RNF213: variants seen among roughly 807,000 people sequenced by gnomAD.
The protein encoded by RNF213 is E3 ubiquitin-protein ligase RNF213.
RNF213 carries 341 observed loss-of-function variants against 514.4 expected under a neutral mutation model. The ratio of observed to expected loss-of-function variants is 0.66; its 90% CI spans 0.61 to 0.73. The LOEUF (loss-of-function observed/expected upper bound fraction) is 0.73, where lower values mean the gene tolerates loss of function less well. Ranked by LOEUF, RNF213 falls within the 30% of genes least tolerant of loss-of-function variation. RNF213 has a pLI of 0.00. For synonymous variants in RNF213, 2,655 were observed against 2,658.2 expected (o/e 1.00, Z 0.04); for missense variants, 5,767 against 6,615.6 (o/e 0.87, Z 4.45).
intron 21 of RNF213, 58 bp from the exon 22 acceptor site, chr17:80,334,047 A>C: frequency 1.3e-6 from 2 of 1,533,964 alleles, no homozygotes; most frequent in Non-Finnish European, 1.7e-6. Context: ...CTTGCAGCTC[A>C]CAGATTCTGG....
chr17:80,361,600 G>A, intron 38 of RNF213, 134 bp from the exon 39 acceptor site: 2 of 873,584 alleles, frequency 2.3e-6, no homozygotes, highest in Non-Finnish European at 3.8e-6. Context: ...AAATCAGGCA[G>A]TTGGTACCCC....
intron 22 of RNF213, among the ~76,000 whole-genome samples, chr17:80,334,616 GT>G (rs57381377): frequency 0.63 from 93,534 of 147,636 alleles, 29,930 homozygotes; most frequent in Middle Eastern, 0.71. Context: ...CCACAGAGAG[GT>G]TTTTTTTTTT....
At chr17:80,376,591 G>A in intron 52 of RNF213, 48 bp downstream of exon 52, 1 of 1,612,712 alleles carries the variant, frequency 6.2e-7, no homozygotes, top group Non-Finnish European at 8.5e-7. Context: ...ACACCCCCCA[G>A]AGCTTGTCAC....
At chr17:80,295,868 G>C in intron 10 of RNF213, 55 bp downstream of exon 10, 1 of 1,597,506 alleles carries the variant, frequency 6.3e-7, no homozygotes, top group Non-Finnish European at 8.6e-7. Flanking sequence ...GATTTTCTCT[G>C]ATTGCAAAAA....
Position 80,347,174 on chromosome 17 carries a change from G to A in RNF213, c.8839G>A (p.Asp2947Asn), listed in dbSNP as rs769511279. 3.7e-6 allele frequency: 6 copies of A among 1,613,946 alleles called. No individual in the cohort carries two copies. In the South Asian group the frequency reaches 6.6e-5, roughly 18 times the overall value. The change falls in exon 29 of 68, where the codon GAC becomes AAC. Residue 2947 changes from aspartate to asparagine, a missense_variant. Physicochemically the swap from Asp to Asn is conservative, Grantham distance 23. Coordinates refer to ENST00000582970, the MANE Select transcript of RNF213 (RefSeq NM_001256071.3). This position sits in a 1 kb window ranked among gnomAD's most constrained non-coding sequence, Gnocchi z 7.2. ...CTACGAAACGGTGTGTAAGCGCCAG[G>A]ACAAGGAATTCTTCGGGCTTCGTGA... ...KAYETVCKRQ[D>N]KEFFGLRDYY...
In RNF213 at chr17:80,363,201, C is replaced by G. The variant is rs1035703768; in HGVS notation, c.11455C>G (p.Gln3819Glu). 1 of 1,614,196 alleles carries G rather than the reference C, an allele frequency of 6.2e-7. No homozygotes were observed. The highest frequency in any genetic ancestry group is 8.5e-7 in the Non-Finnish European group (1 of 1,180,030). Residue 3819 changes from glutamine (Q) to glutamate (E), a missense_variant, in exon 40 of 68, where the codon CAG becomes GAG. Physicochemically the swap from Gln to Glu is conservative, Grantham distance 29 (BLOSUM62 2). Around this residue, in one of 13 missense-constraint regions of RNF213, gnomAD observed 355 missense variants for 358.0 expected, o/e 0.99. Transcript: ENST00000582970. ...CTTACCGTGGGTGCACCTTGCCTAC[C>G]AGCGTTTCAGAAGCCGTCTGCAGAA... ...VSLPWVHLAY[Q>E]RFRSRLQNFS...
Position 80,345,205 on chromosome 17 carries a change from GC to G in RNF213, c.6873del (p.Phe2292SerfsTer24), listed in dbSNP as rs2078270465. ...MDGVREEDLA[P>X]FSLRKRWESE... Reference sequence around the variant, plus strand: ...ATGGGGTTAGGGAAGAAGATCTAGCGCCCTTCTCCCTCCGGAAGAGGTGGGA... The same window carrying G: ...ATGGGGTTAGGGAAGAAGATCTAGCGCCTTCTCCCTCCGGAAGAGGTGGGA... On this transcript the variant is annotated frameshift_variant, in exon 29 of 68. Coordinates refer to ENST00000582970, the MANE Select transcript of RNF213 (RefSeq NM_001256071.3). LOFTEE classifies it high-confidence loss of function. The surrounding 1 kb of genome is among the most constrained non-coding windows in gnomAD (Gnocchi z 6.0). 6.2e-7 allele frequency: 1 copy of G among 1,614,060 alleles called. No individual in the cohort carries two copies.
chr17:80,273,113 C>A, intron 2 of RNF213, 128 bp from the exon 3 acceptor site: 2 of 1,257,788 alleles, frequency 1.6e-6, no homozygotes, highest in Non-Finnish European at 2.3e-6. Context: ...TGTTAGCAGG[C>A]CCAATGCAGG....
rs529614263 is a variant in RNF213, at chr17:80,376,378, G to A, written c.13263G>A (p.Ser4421=). Residue 4421 remains serine, a synonymous_variant, in exon 52 of 68, where the codon TCG becomes TCA. Transcript: ENST00000582970. ...SPPDISRFAT[S]LVDNSVPLLR... Reference sequence around the variant, plus strand: ...CTGATATCAGCCGTTTTGCAACATCGCTCGTGGACAATTCTGTGCCATTGT... The same window carrying A: ...CTGATATCAGCCGTTTTGCAACATCACTCGTGGACAATTCTGTGCCATTGT... The A allele has an allele frequency of 2.0e-5, 32 of 1,614,146 alleles. No homozygotes were observed. Among genetic ancestry groups the A allele is most frequent in the South Asian group, 1.1e-4 (10 of 91,070 alleles).
chr17:80,279,247 T>C (rs771935182), intron 3 of RNF213, among the ~76,000 whole-genome samples: 15 of 152,040 alleles, frequency 9.9e-5, no homozygotes, highest in Non-Finnish European at 1.9e-4. Context: ...TGGCTAAAGC[T>C]CCACCAGCAA....
intron 3 of RNF213, chr17:80,278,712 G>A (rs2044155534): frequency 6.5e-7 from 1 of 1,532,460 alleles, no homozygotes; most frequent in African/African-American, 1.4e-5. Flanking sequence ...TACTGGAGCT[G>A]TGCGTGGGGT....
chr17:80,371,944 G>T lies in RNF213; in HGVS notation c.12496G>T (p.Asp4166Tyr), dbSNP rs148157068. 1.7e-4 allele frequency: 264 copies of T among 1,598,130 alleles called. 1 individual carries two copies. The South Asian group carries it at 2.8e-3, about 17-fold the overall frequency. The change falls in exon 47 of 68, where the codon GAT becomes TAT. Residue 4166 changes from aspartate to tyrosine, a missense_variant. Around this residue, in one of 13 missense-constraint regions of RNF213, gnomAD observed 1,245 missense variants for 1,339.0 expected, o/e 0.93. Transcript: ENST00000582970. ...LLKKKAFITE[D>Y]KTELYMLFIN... ...AAAAAAGAAAGCATTCATAACTGAA[G>T]ATAAAACTGAACTGTACATGCTCTT...
In RNF213 at chr17:80,348,178, G is replaced by A; in HGVS notation, c.9843G>A (p.Glu3281=). 6.2e-7 allele frequency: 1 copy of A among 1,613,960 alleles called. No homozygotes were observed. The highest frequency in any genetic ancestry group is 8.5e-7 in the Non-Finnish European group (1 of 1,180,058). Reference sequence around the variant, plus strand: ...ACTCGCTGGGCGGGTTCGCAGCGGAGTGGCTGTCGCAGGAGTACTTTCACA... The same window carrying A: ...ACTCGCTGGGCGGGTTCGCAGCGGAATGGCTGTCGCAGGAGTACTTTCACA... ...SAYSLGGFAA[E]WLSQEYFHRQ... Residue 3281 remains glutamate (E), a synonymous_variant, in exon 29 of 68, where the codon GAG becomes GAA. Coordinates refer to ENST00000582970, the MANE Select transcript of RNF213 (RefSeq NM_001256071.3).
At chr17:80,360,755 C>T (rs1024268665) in intron 38 of RNF213, among the ~76,000 whole-genome samples, 7 of 152,202 alleles carry the variant, frequency 4.6e-5, no homozygotes, top group South Asian at 2.1e-4. Context: ...GAAAAACCAA[C>T]GACAACGCAA....
Position 80,367,754 on chromosome 17 carries a change from C to G in RNF213, c.11878C>G (p.Arg3960Gly), listed in dbSNP as rs564531942. ...TGTCCCTGCCTTTCTTCAGTGTCTT[C>G]GAGAGAACTCTGACGTGAAGACGCA... Reference protein sequence around the residue: ...EHVFLLDKCLRENSDVKTHGP... With the variant: ...EHVFLLDKCLGENSDVKTHGP... Residue 3960 changes from arginine (R) to glycine (G), a missense_variant, in exon 43 of 68, where the codon CGA (arginine) becomes GGA (glycine). By Grantham distance (125) the Arg-to-Gly change is moderately radical. Around this residue, in one of 13 missense-constraint regions of RNF213, gnomAD observed 355 missense variants for 358.0 expected, o/e 0.99. Coordinates refer to ENST00000582970, the MANE Select transcript of RNF213 (RefSeq NM_001256071.3). 3 of 1,613,938 alleles carry G rather than the reference C, an allele frequency of 1.9e-6. No individual in the cohort carries two copies. Among genetic ancestry groups the G allele is most frequent in the Non-Finnish European group, 2.5e-6 (3 of 1,179,854 alleles).
chr17:80,377,143 C>G lies in RNF213; in HGVS notation c.13510+180C>G, dbSNP rs1261071122. On this transcript the variant is annotated intron_variant, in intron 53 of 67. Transcript: ENST00000582970. This position sits in a 1 kb window ranked among gnomAD's most constrained non-coding sequence, Gnocchi z 4.1. ...TGGCTTGAAGGAGCTGGCACTCCGC[C>G]GGCTAGATGATCCAAACCATTTCAT... The G allele has an allele frequency of 4.7e-6, 3 of 633,804 alleles. No individual in the cohort carries two copies. In the South Asian group the frequency reaches 5.2e-5, roughly 11 times the overall value. 39.3% of individuals were successfully genotyped at this position (633,804 alleles called of 1,614,324 possible).
chr17:80,319,175 C>G lies in RNF213; in HGVS notation c.2902-15C>G, dbSNP rs1223197152. On this transcript the variant is annotated splice_polypyrimidine_tract_variant and intron_variant, in intron 16 of 67. Transcript: ENST00000582970. ...ATCCGAAAGCTCTGAAACCACCCCC[C>G]TTTGATTTTTGCAGGAGGAACCCCT... The G allele has an allele frequency of 1.2e-6, 2 of 1,613,996 alleles. No individual in the cohort carries two copies. The highest frequency in any genetic ancestry group is 1.7e-6 in the Non-Finnish European group (2 of 1,180,022).
At position 80,327,967 on chromosome 17, in the gene RNF213, G is replaced by A; in HGVS notation, c.3345G>A (p.Gln1115=). The part of the protein sequence containing the change: ...QLELIIKHKN[Q]FLDIWQLREK... ...AGCTGATTATAAAGCACAAGAATCAGTTTCTTGACATCTGGCAACTGAGTA... is the reference window on the plus strand; with the variant it reads ...AGCTGATTATAAAGCACAAGAATCAATTTCTTGACATCTGGCAACTGAGTA... Residue 1115 remains glutamine, a synonymous_variant, in exon 19 of 68, where the codon CAG becomes CAA. Coordinates refer to ENST00000582970, the MANE Select transcript of RNF213 (RefSeq NM_001256071.3). 6.5e-7 allele frequency: 1 copy of A among 1,537,292 alleles called. No homozygotes were observed. Among genetic ancestry groups the A allele is most frequent in the Non-Finnish European group, 8.7e-7 (1 of 1,146,916 alleles).
intron 3 of RNF213, among the ~76,000 whole-genome samples, chr17:80,278,254 G>A (rs1418621788): frequency 2.0e-5 from 3 of 152,216 alleles, no homozygotes; most frequent in Non-Finnish European, 4.4e-5. Context: ...GGTGTGGTGT[G>A]GAAGGGAGGT....
Sources: allele counts gnomAD v4.1 joint callset (sites outside exome capture counted in the v4.1 genomes callset), GRCh38; gene constraint gnomAD v4.1.1; regional missense constraint gnomAD v4.1.1; non-coding constraint Gnocchi (gnomAD v3.1); transcripts MANE v1.5; gene names NCBI Gene and HGNC (gene_info 2026-07-23, HGNC 2026-07-21).